The following CHID1 variants were observed in gnomAD, a reference collection of about 807,000 sequenced individuals.
The protein encoded by CHID1 is chitinase domain containing 1.
Under a neutral mutation model 55.4 loss-of-function variants are expected in CHID1, and 44 were observed. The ratio of observed to expected loss-of-function variants is 0.79; its 90% CI spans 0.62 to 1.02. The LOEUF (loss-of-function observed/expected upper bound fraction) is 1.02. Ranked by LOEUF, CHID1 falls within the 50% of genes least tolerant of loss-of-function variation. CHID1 has a pLI of 0.00. For missense variants in CHID1, 491 were observed against 515.3 expected, an observed-to-expected ratio of 0.95 and a Z score of 0.46; for synonymous variants, 216 against 212.9, an observed-to-expected ratio of 1.01 and a Z score of -0.13.
chr11:914,609 C>T (rs1042324495), upstream of CHID1: 52 of 1,276,006 alleles, frequency 4.1e-5, no homozygotes, highest in East Asian at 1.1e-4. Context: ...TGGCTCACGC[C>T]GTAATCCCAG....
chr11:913,225 A>G (rs1185159742), upstream of CHID1, among the ~76,000 whole-genome samples: 1 of 151,364 alleles, frequency 6.6e-6, no homozygotes, highest in Admixed American at 6.6e-5. Flanking sequence ...ATTATGGTTC[A>G]CTGCAGCCTC....
chr11:889,417 C>T (rs1169668084), intron 8 of CHID1, among the ~76,000 whole-genome samples: 1 of 152,152 alleles, frequency 6.6e-6, no homozygotes, highest in Non-Finnish European at 1.5e-5. Flanking sequence ...AACGTCGGCT[C>T]CACGTCAACC....
intron 6 of CHID1, 90 bp downstream of exon 6, chr11:899,914 C>T (rs960477448): frequency 9.2e-6 from 8 of 865,380 alleles, no homozygotes; most frequent in East Asian, 7.3e-5. Flanking sequence ...ACAGAAAAGC[C>T]GAGTGGAGGC....
intron 1 of CHID1, among the ~76,000 whole-genome samples, chr11:905,254 G>C (rs559343907): frequency 6.6e-6 from 1 of 152,398 alleles, no homozygotes; most frequent in South Asian, 2.1e-4. Context: ...TGAAGCCACA[G>C]GCTGGGCCAC....
intron 8 of CHID1, among the ~76,000 whole-genome samples, chr11:888,587 T>C (rs951247082): frequency 2.0e-5 from 3 of 152,234 alleles, no homozygotes; most frequent in African/African-American, 7.2e-5. Context: ...CAGGAATTAC[T>C]GCTCACACCG....
chr11:905,016 GCC>G (rs1364760563), intron 1 of CHID1, among the ~76,000 whole-genome samples, 157 bp from the exon 2 acceptor site: 1 of 152,174 alleles, frequency 6.6e-6, no homozygotes, highest in Non-Finnish European at 1.5e-5. Flanking sequence ...ACCTGGACCA[GCC>G]CTGGCGGCCA....
intron 10 of CHID1, among the ~76,000 whole-genome samples, chr11:870,959 G>C (rs1204690200): frequency 6.6e-6 from 1 of 151,812 alleles, no homozygotes; most frequent in South Asian, 2.1e-4. Context: ...TTGTACTGGG[G>C]ATGGCTGCCC....
chr11:888,712 G>T (rs1850579204), intron 8 of CHID1, among the ~76,000 whole-genome samples: 1 of 152,182 alleles, frequency 6.6e-6, no homozygotes, highest in Admixed American at 6.5e-5. Flanking sequence ...TGTCGTGGGT[G>T]GGCCCCATGC....
chr11:908,191 T>C (rs1285575577), intron 1 of CHID1: 1 of 152,232 alleles, frequency 6.6e-6, no homozygotes, highest in Non-Finnish European at 1.5e-5. Flanking sequence ...TGCAGGCTTA[T>C]GGGGAGTTAG....
At chr11:894,289 G>A (rs1851092530) in intron 7 of CHID1, among the ~76,000 whole-genome samples, 1 of 152,218 alleles carries the variant, frequency 6.6e-6, no homozygotes, top group Admixed American at 6.5e-5. Flanking sequence ...GCAGGAGACA[G>A]GGAGCAGCAG....
chr11:899,901 A>C, intron 6 of CHID1, 103 bp downstream of exon 6: 1 of 762,710 alleles, frequency 1.3e-6, no homozygotes, highest in Non-Finnish European at 2.2e-6. Context: ...CCCAGGGCAG[A>C]AGACAGAAAA....
At chr11:906,611 G>A (rs999691396) in intron 1 of CHID1, among the ~76,000 whole-genome samples, 2 of 152,182 alleles carry the variant, frequency 1.3e-5, no homozygotes, top group South Asian at 2.1e-4. Context: ...CATGCTCGTG[G>A]TGTGCCGGTC....
chr11:887,675 C>G (rs979760983), intron 8 of CHID1, among the ~76,000 whole-genome samples: 3 of 152,216 alleles, frequency 2.0e-5, no homozygotes, highest in African/African-American at 7.2e-5. Flanking sequence ...CACAGTCCAA[C>G]CCCTCCCCTG....
At chr11:892,252 G>T (rs928634953) in intron 8 of CHID1, among the ~76,000 whole-genome samples, 1 of 152,170 alleles carries the variant, frequency 6.6e-6, no homozygotes, top group Admixed American at 6.5e-5. Flanking sequence ...CAGAACTGCC[G>T]AGGCACAGCC....
chr11:874,313 A>G (rs554459899), intron 10 of CHID1, among the ~76,000 whole-genome samples: 4 of 152,216 alleles, frequency 2.6e-5, no homozygotes, highest in Admixed American at 2.6e-4. Context: ...AATACAAAAA[A>G]TTAGCCAGGC....
In CHID1 at chr11:899,344, G is replaced by T. The variant is rs772974142; in HGVS notation, c.604C>A (p.Arg202Ser). Reference sequence around the variant, plus strand: ...CCACCACCTGTGCCCACTCACACGCGCTTCTGGCTTAGCAGCTGGTTCCAG... The same window carrying T: ...CCACCACCTGTGCCCACTCACACGCTCTTCTGGCTTAGCAGCTGGTTCCAG... Reference protein sequence around the residue: ...EVWNQLLSQKRVGLIHMLTHL... With the variant: ...EVWNQLLSQKSVGLIHMLTHL... Residue 202 changes from arginine to serine, a missense_variant, in exon 7 of 13, where the codon CGC (arginine) becomes AGC (serine). Arg to Ser is a moderately radical substitution (Grantham distance 110). Coordinates refer to ENST00000323578, the MANE Select transcript of CHID1 (RefSeq NM_023947.4). 23 of 1,601,236 alleles carry T rather than the reference G, an allele frequency of 1.4e-5. No individual in the cohort carries two copies. The highest frequency in any genetic ancestry group is 2.0e-5 in the Non-Finnish European group (23 of 1,173,864).
At chr11:907,086 A>C (rs576920719) in intron 1 of CHID1, among the ~76,000 whole-genome samples, 1 of 152,200 alleles carries the variant, frequency 6.6e-6, no homozygotes, top group African/African-American at 2.4e-5. Context: ...ATTACTGGTC[A>C]TTGTTTCTTC....
At chr11:878,302 T>C (rs1210279559) in intron 10 of CHID1, among the ~76,000 whole-genome samples, 1 of 152,182 alleles carries the variant, frequency 6.6e-6, no homozygotes, top group Non-Finnish European at 1.5e-5. Context: ...TAGTTCCAGC[T>C]ACTCGGGAGG....
rs1851355821 is a variant in CHID1, at chr11:896,882, CG to C, written c.608+2457del. Reference sequence around the variant, plus strand: ...GGGCCCCCAGACTCCACCCCAGACACGAGCCTGTCTCAGCACCCCCAGCCTC... The same window carrying C: ...GGGCCCCCAGACTCCACCCCAGACACAGCCTGTCTCAGCACCCCCAGCCTC... On this transcript the variant is annotated intron_variant, in intron 7 of 12. Coordinates refer to ENST00000323578, the MANE Select transcript of CHID1 (RefSeq NM_023947.4). Among the ~76,000 whole-genome samples, 3 of 98,524 alleles carry C rather than the reference CG, an allele frequency of 3.0e-5. 1 individual carries two copies. In the Admixed American group the frequency reaches 3.2e-4, roughly 10 times the overall value. 64.6% of individuals were successfully genotyped at this position (98,524 alleles called of 152,430 possible).
Sources: allele counts gnomAD v4.1 joint callset (sites outside exome capture counted in the v4.1 genomes callset), GRCh38; gene constraint gnomAD v4.1.1; transcripts MANE v1.5; gene names NCBI Gene and HGNC (gene_info 2026-07-23, HGNC 2026-07-21).